The following TEF variants were observed in gnomAD, a reference collection of about 807,000 sequenced individuals.
TEF encodes TEF transcription factor, PAR bZIP family member, also known as thyrotroph embryonic factor.
Under a neutral mutation model 20.8 loss-of-function variants are expected in TEF, and 3 were observed. The ratio of observed to expected loss-of-function variants is 0.14; its 90% CI spans 0.07 to 0.37. TEF has a LOEUF of 0.37. Ranked by LOEUF, TEF falls within the 10% of genes least tolerant of loss-of-function variation. The pLI is 1.00. For missense variants in TEF, 296 were observed against 397.9 expected, an observed-to-expected ratio of 0.74 and a Z score of 2.18; for synonymous variants, 180 against 171.1, an observed-to-expected ratio of 1.05 and a Z score of -0.41.
chr22:41,374,394 CA>C (rs937114675), intron 1 of TEF, among the ~76,000 whole-genome samples: 4 of 151,524 alleles, frequency 2.6e-5, no homozygotes, highest in Admixed American at 1.3e-4. Context: ...ACTGAAAATA[CA>C]AAAAAAATTA....
rs762993542 is a variant in TEF, at chr22:41,370,120, C to CTT, written c.67+2532_67+2533dup. On this transcript the variant is annotated intron_variant, in intron 1 of 3. Coordinates refer to the TEF transcript ENST00000406644. ...ACTTTCTTTTATTTTCTCTTTCCCC[C>CTT]TTTTTTTTTTTTGAGATAAGAGTCT... The CTT allele has an allele frequency of 1.0e-3, 807 of 790,796 alleles. 3 individuals carry two copies. The African/African-American group carries it at 0.012, about 12-fold the overall frequency. 49.0% of individuals were successfully genotyped at this position (790,796 alleles called of 1,614,324 possible). A position where few individuals can be genotyped will look rare whatever the true frequency, so the allele number is the denominator to read the frequency against.
Position 41,381,965 on chromosome 22 carries a change from C to A in TEF, c.-80C>A, listed in dbSNP as rs2145976525. 8.1e-7 allele frequency: 1 copy of A among 1,227,460 alleles called. No homozygotes were observed. The highest frequency in any genetic ancestry group is 4.2e-5 in the Admixed American group (1 of 23,542). 76.0% of individuals were successfully genotyped at this position (1,227,460 alleles called of 1,614,324 possible). On this transcript the variant is annotated 5_prime_UTR_variant, in exon 1 of 4. It adds an upstream start codon to the 5' untranslated region. Transcript: ENST00000266304. Reference sequence around the variant, plus strand: ...GCGCAGTAGCTGCCCGTGTCGGCAGCTGCAGCGGGTCGCACGGCTCCGGCC... The same window carrying A: ...GCGCAGTAGCTGCCCGTGTCGGCAGATGCAGCGGGTCGCACGGCTCCGGCC...
intron 2 of TEF, among the ~76,000 whole-genome samples, chr22:41,388,352 C>T (rs569996027): frequency 6.6e-6 from 1 of 151,916 alleles, no homozygotes. Context: ...TCAGGCTGGT[C>T]TTGGCTCACT....
intron 3 of TEF, 27 bp from the exon 4 acceptor site, chr22:41,395,718 A>G (rs563809607): frequency 1.2e-6 from 2 of 1,604,816 alleles, no homozygotes; most frequent in Middle Eastern, 1.7e-4. Flanking sequence ...GAAAGACGAG[A>G]GACTCACAGA....
At chr22:41,388,196 T>G (rs2145984411) in intron 2 of TEF, among the ~76,000 whole-genome samples, 1 of 151,770 alleles carries the variant, frequency 6.6e-6, no homozygotes, top group African/African-American at 2.4e-5. Flanking sequence ...CAGAGTTTCA[T>G]CATGTTGGCC....
chr22:41,390,582 A>T (rs1419740042), intron 2 of TEF, among the ~76,000 whole-genome samples: 1 of 139,178 alleles, frequency 7.2e-6, no homozygotes, highest in Non-Finnish European at 1.5e-5. Context: ...GGCTCCCGCA[A>T]CCTCCGCCTC....
At chr22:41,382,302 T>G in intron 1 of TEF, 101 bp downstream of exon 1, 4 of 996,486 alleles carry the variant, frequency 4.0e-6, no homozygotes, top group East Asian at 3.7e-5. Context: ...CAGGGAGCAG[T>G]GGTCCAGCGG....
At chr22:41,370,032 G>A (rs543507341) in intron 1 of TEF, 14 of 985,272 alleles carry the variant, frequency 1.4e-5, no homozygotes, top group Admixed American at 1.2e-4. Context: ...GAAAGTCTGC[G>A]GAGTGTGAGA....
chr22:41,389,541 C>T (rs1489079682), intron 2 of TEF, among the ~76,000 whole-genome samples: 1 of 152,124 alleles, frequency 6.6e-6, no homozygotes. Context: ...ATCGCTTGAA[C>T]CCGGGAGGCG....
chr22:41,398,588 TAG>T lies in TEF; in HGVS notation c.*2635_*2636del, dbSNP rs1399201384. The T allele has an allele frequency of 6.5e-6, 1 of 153,456 alleles. No homozygotes were observed. Among genetic ancestry groups the T allele is most frequent in the East Asian group, 1.9e-4 (1 of 5,198 alleles). 9.5% of individuals were successfully genotyped at this position (153,456 alleles called of 1,614,324 possible). A position where few individuals can be genotyped will look rare whatever the true frequency, so the allele number is the denominator to read the frequency against. On this transcript the variant is annotated 3_prime_UTR_variant, in exon 4 of 4. Coordinates refer to ENST00000266304, the MANE Select transcript of TEF (RefSeq NM_003216.4). ...CATCTGATGGAGGAACGTGTGCATT[TAG>T]AGAGAGGGAGAGTTTTCAAGGTTTA...
At position 41,387,491 on chromosome 22, in the gene TEF, G is replaced by A; in HGVS notation, c.298G>A (p.Asp100Asn). 6.2e-7 allele frequency: 1 copy of A among 1,614,180 alleles called. No individual in the cohort carries two copies. Among genetic ancestry groups the A allele is most frequent in the Non-Finnish European group, 8.5e-7 (1 of 1,180,022 alleles). The change falls in exon 2 of 4, where the codon GAC becomes AAC. Residue 100 changes from aspartate to asparagine, a missense_variant. Asp to Asn is a conservative substitution (Grantham distance 23). This residue lies in a region of TEF where 194 missense variants were observed against 317.8 expected (regional missense o/e 0.61). Transcript: ENST00000266304. ...CGAATCTTTCCACCTGGAGTACATG[G>A]ACCTGGATGAGTTCCTGCTGGAGAA... is the stretch of plus-strand genomic sequence containing the variant. ...DGESFHLEYM[D>N]LDEFLLENGI...
upstream of TEF, among the ~76,000 whole-genome samples, chr22:41,381,239 C>A (rs1002936791): frequency 2.0e-5 from 3 of 152,238 alleles, no homozygotes; most frequent in Non-Finnish European, 4.4e-5. Context: ...GCGGGCTAAG[C>A]TCAGCGTCCC....
chr22:41,380,345 G>A (rs971179056), upstream of TEF, among the ~76,000 whole-genome samples: 6 of 152,052 alleles, frequency 3.9e-5, no homozygotes, highest in African/African-American at 1.2e-4. Flanking sequence ...CAGTAGTGTC[G>A]GAGTTTCGCC....
intron 1 of TEF, chr22:41,370,086 TCTCA>T (rs1339469824): frequency 2.0e-6 from 2 of 984,890 alleles, no homozygotes; most frequent in Admixed American, 6.2e-5. Flanking sequence ...CCGTGCAGCC[TCTCA>T]CTCCACTTTC....
intron 2 of TEF, among the ~76,000 whole-genome samples, chr22:41,390,145 C>T (rs558259261): frequency 3.3e-5 from 5 of 152,224 alleles, no homozygotes; most frequent in Non-Finnish European, 7.4e-5. Context: ...CCTGCCTCAC[C>T]TTCCAAAGTT....
In TEF at chr22:41,374,713, C is replaced by CA. The variant is rs144864193; in HGVS notation, c.67+7128dup. On this transcript the variant is annotated intron_variant, in intron 1 of 3. Transcript: ENST00000406644. ...CCTGGGGGACAGAGCAAAACTGTCT[C>CA]AAAAAAAAAAAAAAGAAAAGAAAAT... Among the ~76,000 whole-genome samples, 493 of 116,416 alleles carry CA rather than the reference C, an allele frequency of 4.2e-3. 2 individuals are homozygous for CA. Among genetic ancestry groups the CA allele is most frequent in the African/African-American group, 9.2e-3 (274 of 29,876 alleles). The allele number at this position is 116,416 out of a possible 152,430, so 76.4% of individuals were successfully genotyped here. A position where few individuals can be genotyped will look rare whatever the true frequency, so the allele number is the denominator to read the frequency against.
intron 1 of TEF, chr22:41,369,048 A>G (rs973302270): frequency 5.3e-5 from 52 of 985,172 alleles, no homozygotes; most frequent in Non-Finnish European, 6.1e-5. Flanking sequence ...GAAGGGTGGT[A>G]CAGTCCCTCC....
rs146692470 is a variant in TEF, at chr22:41,394,284, G to T, written c.664G>T (p.Ala222Ser). ...GAAGCCCCAGCCTATGATCAAAAAGGCCAAGAAGGTCTTTGTCCCCGACGA... is the reference window on the plus strand; with the variant it reads ...GAAGCCCCAGCCTATGATCAAAAAGTCCAAGAAGGTCTTTGTCCCCGACGA... The part of the protein sequence containing the change: ...DLKPQPMIKK[A>S]KKVFVPDEQK... The change falls in exon 3 of 4, where the codon GCC becomes TCC. Residue 222 changes from alanine (A) to serine (S), a missense_variant. This residue lies in a region of TEF where 194 missense variants were observed against 317.8 expected (regional missense o/e 0.61). Coordinates refer to ENST00000266304, the MANE Select transcript of TEF (RefSeq NM_003216.4). The T allele has an allele frequency of 6.2e-7, 1 of 1,614,046 alleles. No homozygotes were observed. The highest frequency in any genetic ancestry group is 8.5e-7 in the Non-Finnish European group (1 of 1,180,012).
At chr22:41,392,694 A>AAT (rs1394197723) in intron 2 of TEF, among the ~76,000 whole-genome samples, 8 of 144,668 alleles carry the variant, frequency 5.5e-5, no homozygotes, top group Non-Finnish European at 1.2e-4. Context: ...AAAAAAAAAA[A>AAT]GACTAAGTGA....
Sources: allele counts gnomAD v4.1 joint callset (sites outside exome capture counted in the v4.1 genomes callset), GRCh38; gene constraint gnomAD v4.1.1; regional missense constraint gnomAD v4.1.1; transcripts MANE v1.5; gene names NCBI Gene and HGNC (gene_info 2026-07-23, HGNC 2026-07-21).